Variants in PELI2 observed in about 807,000 individuals in gnomAD.
The protein encoded by PELI2 is E3 ubiquitin-protein ligase pellino homolog 2.
A neutral mutation model predicts 42.3 loss-of-function variants in PELI2; 23 were observed. The ratio of observed to expected loss-of-function variants is 0.54; its 90% confidence interval spans 0.39 to 0.77. The LOEUF is 0.77. Ranked by LOEUF, PELI2 falls within the 30% of genes least tolerant of loss-of-function variation. The probability of loss-of-function intolerance (pLI) is 0.00; values close to 1 mark genes in which losing one functional copy is unlikely to be tolerated. For synonymous variants in PELI2, 245 were observed against 212.2 expected, an observed-to-expected ratio of 1.15 and a Z score of -1.34; for missense variants, 463 against 553.2, an observed-to-expected ratio of 0.84 and a Z score of 1.64.
At chr14:56,252,143 T>C (rs1203808412) in intron 2 of PELI2, among the ~76,000 whole-genome samples, 5 of 152,208 alleles carry the variant, frequency 3.3e-5, no homozygotes, top group Non-Finnish European at 7.3e-5. Flanking sequence ...AGTAAGGAGG[T>C]AACAATTCAT....
At chr14:56,208,602 T>G (rs1886600845) in intron 2 of PELI2, among the ~76,000 whole-genome samples, 1 of 152,210 alleles carries the variant, frequency 6.6e-6, no homozygotes, top group South Asian at 2.1e-4. Flanking sequence ...CCACAAAGTA[T>G]CTGCAGTGAA....
chr14:56,289,526 A>G (rs1889757681), intron 4 of PELI2, among the ~76,000 whole-genome samples: 1 of 152,188 alleles, frequency 6.6e-6, no homozygotes, highest in African/African-American at 2.4e-5. Flanking sequence ...GTCAGAGCCC[A>G]GTCATGTGCT....
intron 2 of PELI2, among the ~76,000 whole-genome samples, chr14:56,263,958 T>TA (rs1309545450): frequency 6.6e-6 from 1 of 152,154 alleles, no homozygotes; most frequent in Admixed American, 6.5e-5. Flanking sequence ...TGCAATAGCA[T>TA]AAAAAATGTA....
At chr14:56,222,690 G>C (rs1179535290) in intron 2 of PELI2, among the ~76,000 whole-genome samples, 1 of 152,218 alleles carries the variant, frequency 6.6e-6, no homozygotes, top group East Asian at 1.9e-4. Flanking sequence ...TATTAGAAAA[G>C]GATGCCCTCT....
chr14:56,252,284 T>G lies in PELI2; in HGVS notation c.208-27392T>G, dbSNP rs151302124. On this transcript the variant is annotated intron_variant, in intron 2 of 5. Transcript: ENST00000267460. The stretch of plus-strand genomic sequence containing the variant: ...GTAGCACACTCCTGTTTTAGAGTAA[T>G]ATTTCCCAAAGCAGAGGTGTTCCTA... 6.0e-3 allele frequency among the ~76,000 whole-genome samples: 915 copies of G among 152,328 alleles called. 10 individuals are homozygous for G. The highest frequency in any genetic ancestry group is 0.02 in the African/African-American group (837 of 41,562).
chr14:56,153,404 A>G (rs1472477412), intron 1 of PELI2, among the ~76,000 whole-genome samples: 1 of 152,182 alleles, frequency 6.6e-6, no homozygotes, highest in Non-Finnish European at 1.5e-5. Context: ...GTTCAGCTAG[A>G]GAGAAAGTAG....
chr14:56,277,178 G>C (rs1365252188), intron 2 of PELI2, among the ~76,000 whole-genome samples: 2 of 152,184 alleles, frequency 1.3e-5, no homozygotes, highest in Non-Finnish European at 2.9e-5. Flanking sequence ...TCTGTGGCCT[G>C]TTTGGAACTG....
At chr14:56,150,353 A>G (rs1035787572) in intron 1 of PELI2, among the ~76,000 whole-genome samples, 4 of 152,232 alleles carry the variant, frequency 2.6e-5, no homozygotes, top group East Asian at 1.9e-4. Context: ...AATGAATGCT[A>G]TGTATGTTAA....
At position 56,298,594 on chromosome 14, in the gene PELI2, A is replaced by G. The variant is rs1033560527; in HGVS notation, c.*1428A>G. On this transcript the variant is annotated 3_prime_UTR_variant, in exon 6 of 6. Coordinates refer to ENST00000267460, the MANE Select transcript of PELI2 (RefSeq NM_021255.3). ...ACCTTTGTACATATACGTAATTTAT[A>G]TGATTCTAATGTACTATATCCATAC... The G allele has an allele frequency of 1.3e-5, 2 of 152,664 alleles. No homozygotes were observed. Among genetic ancestry groups the G allele is most frequent in the Admixed American group, 1.3e-4 (2 of 15,288 alleles). The allele number at this position is 152,664 out of a possible 1,614,324, so 9.5% of individuals were successfully genotyped here. A position where few individuals can be genotyped will look rare whatever the true frequency, so the allele number is the denominator to read the frequency against.
intron 1 of PELI2, among the ~76,000 whole-genome samples, chr14:56,120,304 G>A (rs1262721395): frequency 1.3e-5 from 2 of 152,184 alleles, no homozygotes; most frequent in African/African-American, 4.8e-5. Flanking sequence ...TGAACTTGAC[G>A]CGGAAGATTA....
chr14:56,168,562 C>T (rs75289713), intron 1 of PELI2, among the ~76,000 whole-genome samples: 17,838 of 152,086 alleles, frequency 0.12, 1,326 homozygotes, highest in Middle Eastern at 0.16. Context: ...GACTCACCCT[C>T]AGGGCAGTGG....
chr14:56,124,949 A>T (rs933455884), intron 1 of PELI2, among the ~76,000 whole-genome samples: 5 of 152,054 alleles, frequency 3.3e-5, no homozygotes, highest in African/African-American at 1.2e-4. Flanking sequence ...AAGATATTGG[A>T]AGGGGTTTGG....
rs958261051 is a variant in PELI2, at chr14:56,193,018, G to C, written c.207+14554G>C. On this transcript the variant is annotated intron_variant, in intron 2 of 5. Transcript: ENST00000267460. ...AGTGTGGCAAAGTGAATGCATATCT[G>C]ACTCTTCCGACAAGTTCCTTTGCCT... Among the ~76,000 whole-genome samples, 5 of 152,178 alleles carry C rather than the reference G, an allele frequency of 3.3e-5. No individual in the cohort carries two copies. In the East Asian group the frequency reaches 9.6e-4, roughly 29 times the overall value.
At chr14:56,243,675 C>G (rs891091620) in intron 2 of PELI2, among the ~76,000 whole-genome samples, 1 of 152,042 alleles carries the variant, frequency 6.6e-6, no homozygotes, top group Admixed American at 6.6e-5. Flanking sequence ...TTTTCTTTAT[C>G]CAGTTCACAA....
At chr14:56,204,245 G>A (rs1886437497) in intron 2 of PELI2, among the ~76,000 whole-genome samples, 1 of 152,218 alleles carries the variant, frequency 6.6e-6, no homozygotes, top group Admixed American at 6.5e-5. Flanking sequence ...TATTGTCCAG[G>A]CAAGGTGATG....
rs558822805 is a variant in PELI2 at position 56,156,078 on chromosome 14, T to C, written c.78-22257T>C. ...TTTAATTTAAGTACATCTACTGTTT[T>C]ATCTTTAATTACGTGAAATAAATAT... is the stretch of plus-strand genomic sequence containing the variant. On this transcript the variant is annotated intron_variant, in intron 1 of 5. Transcript: ENST00000267460. 4.6e-5 allele frequency among the ~76,000 whole-genome samples: 7 copies of C among 152,356 alleles called. No individual in the cohort carries two copies. The South Asian group carries it at 1.4e-3, about 32-fold the overall frequency.
rs1265832868 is a variant in PELI2, at chr14:56,197,191, T to C, written c.207+18727T>C. ...ATAAATAAGAAATCAAACAAATAAA[T>C]ATATAATATTCATTGGTGCTCAGCA... is the stretch of plus-strand genomic sequence containing the variant. On this transcript the variant is annotated intron_variant, in intron 2 of 5. Coordinates refer to ENST00000267460, the MANE Select transcript of PELI2 (RefSeq NM_021255.3). The surrounding 1 kb of genome is among the most constrained non-coding windows in gnomAD (Gnocchi z 4.9). Among the ~76,000 whole-genome samples the C allele has an allele frequency of 6.6e-6, 1 of 152,140 alleles. No homozygotes were observed. The highest frequency in any genetic ancestry group is 1.9e-4 in the East Asian group (1 of 5,202).
chr14:56,225,347 A>G (rs577721947), intron 2 of PELI2, among the ~76,000 whole-genome samples: 53 of 152,240 alleles, frequency 3.5e-4, no homozygotes, highest in Non-Finnish European at 5.4e-4. Flanking sequence ...GAGAGCTCCG[A>G]CTGAGTACAG....
intron 4 of PELI2, 139 bp from the exon 5 acceptor site, chr14:56,290,129 T>C (rs1218080754): frequency 1.7e-6 from 1 of 597,524 alleles, no homozygotes; most frequent in Non-Finnish European, 2.8e-6. Flanking sequence ...TCCTTGTGAT[T>C]ATTAGCTTTA....
Sources: allele counts gnomAD v4.1 joint callset (sites outside exome capture counted in the v4.1 genomes callset), GRCh38; gene constraint gnomAD v4.1.1; non-coding constraint Gnocchi (gnomAD v3.1); transcripts MANE v1.5; gene names NCBI Gene and HGNC (gene_info 2026-07-23, HGNC 2026-07-21).